LIMD1: variants seen among roughly 807,000 people sequenced by gnomAD.
LIMD1 encodes LIM domain containing 1.
Under a neutral mutation model 58.4 loss-of-function variants are expected in LIMD1, and 23 were observed. That is an observed-to-expected ratio of 0.39 (90% CI 0.28 to 0.56). The LOEUF (loss-of-function observed/expected upper bound fraction) is 0.56. Among genes scored for constraint, LIMD1 ranks in the 20% least tolerant of loss-of-function variants. The pLI is 0.57. For missense variants in LIMD1, 838 were observed against 855.5 expected (o/e 0.98, Z 0.25); for synonymous variants, 334 against 345.5 (o/e 0.97, Z 0.37).
intron 1 of LIMD1, among the ~76,000 whole-genome samples, chr3:45,599,424 G>A (rs950890931): frequency 6.6e-6 from 1 of 152,146 alleles, no homozygotes; most frequent in African/African-American, 2.4e-5. Context: ...ACGGAATCGT[G>A]TATTTTATTC....
At chr3:45,607,870 A>G (rs946106582) in intron 1 of LIMD1, among the ~76,000 whole-genome samples, 2 of 152,088 alleles carry the variant, frequency 1.3e-5, no homozygotes, top group African/African-American at 4.8e-5. Flanking sequence ...GAGTTGATGG[A>G]TTTCCTTTCA....
In LIMD1 at chr3:45,672,763, G is replaced by A; in HGVS notation, c.1715G>A (p.Gly572Glu). ...RCVICNECLD[G>E]VPFTVDSENK... Reference sequence around the variant, plus strand: ...GTCATCTGTAATGAGTGTTTGGATGGGGTGCCCTTCACCGTGGACTCAGAG... The same window carrying A: ...GTCATCTGTAATGAGTGTTTGGATGAGGTGCCCTTCACCGTGGACTCAGAG... The change falls in exon 5 of 8, where the codon GGG becomes GAG. Residue 572 changes from glycine to glutamate, a missense_variant. Gly to Glu is a moderately conservative substitution (Grantham distance 98, BLOSUM62 -2). Around this residue, in one of 3 missense-constraint regions of LIMD1, gnomAD observed 174 missense variants for 197.4 expected, o/e 0.88. Transcript: ENST00000273317. 1 of 1,614,056 alleles carries A rather than the reference G, an allele frequency of 6.2e-7. No individual in the cohort carries two copies. The highest frequency in any genetic ancestry group is 8.5e-7 in the Non-Finnish European group (1 of 1,179,988).
chr3:45,628,017 AAAG>A (rs1195621309), intron 1 of LIMD1, among the ~76,000 whole-genome samples: 1 of 151,334 alleles, frequency 6.6e-6, no homozygotes, highest in Non-Finnish European at 1.5e-5. Flanking sequence ...CAAAAAAAAA[AAAG>A]AAAAAAGAAT....
chr3:45,661,719 A>C (rs915967533), intron 2 of LIMD1, among the ~76,000 whole-genome samples: 3 of 152,146 alleles, frequency 2.0e-5, no homozygotes, highest in African/African-American at 7.2e-5. Context: ...CATTCTTTTT[A>C]AGCTTTGCTA....
intron 1 of LIMD1, chr3:45,635,797 G>A: frequency 1.7e-6 from 1 of 598,488 alleles, no homozygotes; most frequent in Non-Finnish European, 2.1e-6. Context: ...TGCATGCTTG[G>A]CATATTATAG....
chr3:45,595,838 G>A lies in LIMD1; in HGVS notation c.959G>A (p.Gly320Asp). The change falls in exon 1 of 8, where the codon GGT (glycine) becomes GAT (aspartate). Residue 320 changes from glycine to aspartate, a missense_variant. Coordinates refer to ENST00000273317, the MANE Select transcript of LIMD1 (RefSeq NM_014240.3). Reference protein sequence around the residue: ...GLPRSNSGLGGEVSGVMSKPN... With the variant: ...GLPRSNSGLGDEVSGVMSKPN... ...CCAAGATCAAACTCGGGGCTGGGGG[G>A]TGAGGTTTCAGGTGTGATGTCCAAA... The A allele has an allele frequency of 1.2e-6, 2 of 1,614,216 alleles. No homozygotes were observed. The highest frequency in any genetic ancestry group is 1.7e-6 in the Non-Finnish European group (2 of 1,180,040).
intron 1 of LIMD1, among the ~76,000 whole-genome samples, chr3:45,630,237 T>A (rs1701714254): frequency 6.6e-6 from 1 of 152,226 alleles, no homozygotes; most frequent in Non-Finnish European, 1.5e-5. Flanking sequence ...AAGAGCCTAC[T>A]CTTTTTCTTC....
intron 1 of LIMD1, among the ~76,000 whole-genome samples, chr3:45,628,272 A>G (rs1285050329): frequency 2.6e-5 from 4 of 152,184 alleles, no homozygotes; most frequent in Non-Finnish European, 5.9e-5. Flanking sequence ...TTTGTGAAGC[A>G]ATATCTGATA....
chr3:45,602,679 C>T (rs141961458), intron 1 of LIMD1, among the ~76,000 whole-genome samples: 12 of 151,776 alleles, frequency 7.9e-5, no homozygotes, highest in East Asian at 3.9e-4. Flanking sequence ...CAGGGTTAAA[C>T]GAGCAGTCCA....
At chr3:45,664,985 T>C (rs1169313025) in intron 2 of LIMD1, among the ~76,000 whole-genome samples, 1 of 152,054 alleles carries the variant, frequency 6.6e-6, no homozygotes, top group Non-Finnish European at 1.5e-5. Flanking sequence ...AGCCCCATTG[T>C]GTTTTCCATA....
intron 2 of LIMD1, among the ~76,000 whole-genome samples, chr3:45,649,761 A>T (rs902099480): frequency 6.9e-6 from 1 of 144,904 alleles, no homozygotes; most frequent in African/African-American, 2.5e-5. Context: ...TATATATTTT[A>T]TATATATAAT....
At position 45,634,775 on chromosome 3, in the gene LIMD1, GT is replaced by G. The variant is rs1270220043; in HGVS notation, c.1409-1371del. On this transcript the variant is annotated intron_variant, in intron 1 of 7. Transcript: ENST00000273317. ...CATGTTAACTCTTTAGAACTTTTTG[GT>G]TTTCAAAGCAACTCTTAATTGCTGC... Among the ~76,000 whole-genome samples the G allele has an allele frequency of 5.9e-5, 9 of 152,244 alleles. No homozygotes were observed. The East Asian group carries it at 1.7e-3, about 29-fold the overall frequency.
At chr3:45,622,668 ATT>A (rs775471185) in intron 1 of LIMD1, among the ~76,000 whole-genome samples, 32 of 140,432 alleles carry the variant, frequency 2.3e-4, no homozygotes, top group African/African-American at 2.9e-4. Context: ...TTTTAAAGGA[ATT>A]TTTTTTTTTT....
intron 1 of LIMD1, among the ~76,000 whole-genome samples, chr3:45,618,523 G>T (rs1157812425): frequency 6.6e-6 from 1 of 152,140 alleles, no homozygotes; most frequent in African/African-American, 2.4e-5. Context: ...TGTGGAATGT[G>T]GGTGTCTGTG....
At chr3:45,660,779 C>T (rs1697427066) in intron 2 of LIMD1, among the ~76,000 whole-genome samples, 1 of 152,106 alleles carries the variant, frequency 6.6e-6, no homozygotes, top group South Asian at 2.1e-4. Flanking sequence ...AGCAGATCAG[C>T]TGTCACCCAG....
chr3:45,649,848 GT>G (rs367547670), intron 2 of LIMD1, among the ~76,000 whole-genome samples: 75 of 97,334 alleles, frequency 7.7e-4, no homozygotes, highest in Middle Eastern at 6.5e-3. Flanking sequence ...AAGTTTTTTT[GT>G]TTTTTTTTTT....
chr3:45,599,102 C>T (rs759340669), intron 1 of LIMD1, among the ~76,000 whole-genome samples: 5 of 152,034 alleles, frequency 3.3e-5, no homozygotes, highest in African/African-American at 4.8e-5. Context: ...AAACAGTCTC[C>T]CAAGCAGAGA....
intron 2 of LIMD1, among the ~76,000 whole-genome samples, chr3:45,653,111 T>C (rs1287839555): frequency 6.6e-6 from 1 of 152,220 alleles, no homozygotes; most frequent in East Asian, 1.9e-4. Context: ...ATGTTTCATT[T>C]TTCTATATTA....
Position 45,679,059 on chromosome 3 carries a change from A to T in LIMD1, c.*2000A>T, listed in dbSNP as rs372759811. The T allele has an allele frequency of 2.0e-5, 3 of 152,306 alleles. No individual in the cohort carries two copies. Among genetic ancestry groups the T allele is most frequent in the East Asian group, 1.9e-4 (1 of 5,180 alleles). The allele number at this position is 152,306 out of a possible 1,614,324, so 9.4% of individuals were successfully genotyped here. On this transcript the variant is annotated 3_prime_UTR_variant, in exon 8 of 8. Transcript: ENST00000273317. ...GGTAAATGAAGCCAGCCAATGTGTTAACCTGTCTCTGTCAACCTAAGAATG... is the reference window on the plus strand; with the variant it reads ...GGTAAATGAAGCCAGCCAATGTGTTTACCTGTCTCTGTCAACCTAAGAATG...
Sources: allele counts gnomAD v4.1 joint callset (sites outside exome capture counted in the v4.1 genomes callset), GRCh38; gene constraint gnomAD v4.1.1; regional missense constraint gnomAD v4.1.1; transcripts MANE v1.5; gene names NCBI Gene and HGNC (gene_info 2026-07-23, HGNC 2026-07-21).